RAD51B: variants seen among roughly 807,000 people sequenced by gnomAD.
RAD51B encodes the protein RAD51 paralog B, also known as DNA repair protein RAD51 homolog 2.
Under a neutral mutation model 42.2 loss-of-function variants are expected in RAD51B, and 38 were observed. The observed-to-expected ratio is 0.90, with a 90% CI of 0.70 to 1.18. RAD51B has a LOEUF of 1.18. RAD51B is among the 50% of genes most tolerant of loss of function. The pLI is 0.00. For missense variants in RAD51B, 373 were observed against 400.7 expected (o/e 0.93, Z 0.59); for synonymous variants, 154 against 145.2 (o/e 1.06, Z -0.43).
At chr14:68,038,448 C>T (rs2031070772) in intron 7 of RAD51B, among the ~76,000 whole-genome samples, 1 of 151,920 alleles carries the variant, frequency 6.6e-6, no homozygotes, top group African/African-American at 2.4e-5. Flanking sequence ...TACCTTTCTC[C>T]CTCAAGATGC....
At chr14:68,230,319 AG>A (rs2080122090) in intron 7 of RAD51B, among the ~76,000 whole-genome samples, 1 of 152,240 alleles carries the variant, frequency 6.6e-6, no homozygotes, top group African/African-American at 2.4e-5. Flanking sequence ...TTTTCAGAGT[AG>A]GACATCTGTG....
At chr14:68,037,261 C>T (rs1200459016) in intron 7 of RAD51B, among the ~76,000 whole-genome samples, 1 of 145,440 alleles carries the variant, frequency 6.9e-6, no homozygotes, top group Non-Finnish European at 1.5e-5. Context: ...CTTGCTCTGT[C>T]ACCAGGTTGG....
At chr14:67,996,224 G>A (rs900401890) in intron 7 of RAD51B, among the ~76,000 whole-genome samples, 6 of 151,396 alleles carry the variant, frequency 4.0e-5, no homozygotes, top group Admixed American at 3.3e-4. Context: ...AGTGAGACCC[G>A]GCCTCTACAC....
intron 8 of RAD51B, among the ~76,000 whole-genome samples, chr14:68,301,809 G>T (rs948713679): frequency 2.6e-5 from 4 of 151,994 alleles, no homozygotes; most frequent in African/African-American, 9.7e-5. Flanking sequence ...ATGTTAGCCA[G>T]GCTAGTCAAA....
At chr14:68,407,332 T>C (rs1386150046) in intron 8 of RAD51B, among the ~76,000 whole-genome samples, 1 of 152,182 alleles carries the variant, frequency 6.6e-6, no homozygotes, top group Non-Finnish European at 1.5e-5. Context: ...TGATAAAAAG[T>C]ATAGTAAATA....
At chr14:67,997,927 G>T (rs2075414280) in intron 7 of RAD51B, among the ~76,000 whole-genome samples, 1 of 152,156 alleles carries the variant, frequency 6.6e-6, no homozygotes, top group South Asian at 2.1e-4. Flanking sequence ...GCTGATGAAT[G>T]CAGAACTCTA....
chr14:68,124,108 T>A (rs2077707700), intron 7 of RAD51B, among the ~76,000 whole-genome samples: 1 of 152,148 alleles, frequency 6.6e-6, no homozygotes, highest in African/African-American at 2.4e-5. Context: ...TTAAAAAAAA[T>A]TAAATTTTGT....
At chr14:68,292,044 C>A in intron 8 of RAD51B, 64 bp downstream of exon 8, 1 of 1,398,608 alleles carries the variant, frequency 7.1e-7, no homozygotes, top group Non-Finnish European at 1.0e-6. Flanking sequence ...TGCCTCTCCA[C>A]CTCCTGTTGA....
chr14:68,453,836 AT>A (rs1460179115), intron 9 of RAD51B, among the ~76,000 whole-genome samples: 2 of 152,230 alleles, frequency 1.3e-5, no homozygotes, highest in Non-Finnish European at 2.9e-5. Flanking sequence ...TAGTAAAAAA[AT>A]ATTTTATGTT....
chr14:68,626,883 A>G (rs768517804), intron 10 of RAD51B, among the ~76,000 whole-genome samples: 1 of 152,296 alleles, frequency 6.6e-6, no homozygotes, highest in Non-Finnish European at 1.5e-5. Context: ...GAGACTGTCT[A>G]TTACAGCTTC....
rs553110273 is a variant in RAD51B, at chr14:68,464,160, A to T, written c.958-4012A>T. On this transcript the variant is annotated intron_variant, in intron 9 of 10. Coordinates refer to ENST00000471583, the MANE Select transcript of RAD51B (RefSeq NM_133510.4). ...CCAAATTGAGATTTGTTTTGATATC[A>T]TGTTTATCTGATCTAATATATGACC... is the stretch of plus-strand genomic sequence containing the variant. 1.2e-4 allele frequency among the ~76,000 whole-genome samples: 18 copies of T among 152,296 alleles called. No individual in the cohort carries two copies. The South Asian group carries it at 3.3e-3, about 28-fold the overall frequency.
intron 10 of RAD51B, among the ~76,000 whole-genome samples, chr14:68,621,703 A>G (rs190938596): frequency 6.6e-6 from 1 of 152,376 alleles, no homozygotes; most frequent in Admixed American, 6.5e-5. Context: ...GAAAAAAATA[A>G]GCTCCCAAAG....
At chr14:68,530,145 A>G (rs923735844) in intron 10 of RAD51B, among the ~76,000 whole-genome samples, 1 of 151,822 alleles carries the variant, frequency 6.6e-6, no homozygotes, top group African/African-American at 2.4e-5. Flanking sequence ...GATAAAAATG[A>G]TAGTATTAAA....
intron 7 of RAD51B, among the ~76,000 whole-genome samples, chr14:68,235,364 G>C (rs558033223): frequency 4.0e-5 from 6 of 151,750 alleles, no homozygotes; most frequent in East Asian, 3.9e-4. Context: ...AAGAGGAGGG[G>C]GCCAAGGACA....
At chr14:68,243,730 A>G (rs570176828) in intron 7 of RAD51B, among the ~76,000 whole-genome samples, 125 of 152,312 alleles carry the variant, frequency 8.2e-4, no homozygotes, top group African/African-American at 2.9e-3. Context: ...ATCCTGGGAT[A>G]TCTTTGAGAT....
chr14:68,093,273 TG>T (rs1038705322), intron 7 of RAD51B, among the ~76,000 whole-genome samples: 280 of 152,352 alleles, frequency 1.8e-3, no homozygotes, highest in Middle Eastern at 0.014. Context: ...TCAGAAGGAA[TG>T]GTACCAGTTC....
At chr14:68,246,024 C>T (rs1287484869) in intron 7 of RAD51B, among the ~76,000 whole-genome samples, 1 of 152,008 alleles carries the variant, frequency 6.6e-6, no homozygotes, top group Non-Finnish European at 1.5e-5. Flanking sequence ...AGACAAGGCC[C>T]CTCCTTTTAA....
intron 7 of RAD51B, among the ~76,000 whole-genome samples, chr14:67,918,936 G>A (rs2044239520): frequency 6.6e-6 from 1 of 152,130 alleles, no homozygotes; most frequent in Non-Finnish European, 1.5e-5. Context: ...GTGAAAGAAG[G>A]CATGAAATCT....
chr14:67,923,418 G>A (rs1470377823), intron 7 of RAD51B, among the ~76,000 whole-genome samples: 2 of 150,400 alleles, frequency 1.3e-5, no homozygotes, highest in Non-Finnish European at 2.9e-5. Flanking sequence ...TCCTGCCTCA[G>A]CCTCCCAAGT....
Sources: gnomAD v4.1 joint callset for allele counts (sites outside exome capture counted in the v4.1 genomes callset) on GRCh38, gnomAD v4.1.1 for gene constraint, MANE v1.5 for transcripts, NCBI Gene and HGNC (gene_info 2026-07-23, HGNC 2026-07-21) for gene names.